CHST9: variants seen among roughly 807,000 people sequenced by gnomAD.
CHST9 encodes carbohydrate sulfotransferase 9, also known as GalNAc-4-sulfotransferase 2.
A neutral mutation model predicts 44.4 loss-of-function variants in CHST9; 41 were observed. That is an observed-to-expected ratio of 0.92 (90% CI 0.72 to 1.20). The LOEUF (loss-of-function observed/expected upper bound fraction) is 1.20, where lower values mean the gene tolerates loss of function less well. CHST9 is among the 50% of genes most tolerant of loss of function. The probability of loss-of-function intolerance (pLI) is 0.00; values close to 1 mark genes in which losing one functional copy is unlikely to be tolerated. For missense variants in CHST9, 504 were observed against 516.5 expected (o/e 0.98, Z 0.23); for synonymous variants, 171 against 178.4 (o/e 0.96, Z 0.33).
chr18:26,954,787 T>C (rs1015837299), intron 4 of CHST9, among the ~76,000 whole-genome samples: 1 of 152,180 alleles, frequency 6.6e-6, no homozygotes, highest in African/African-American at 2.4e-5. Flanking sequence ...ATTATTTTAT[T>C]TGCAGGTCTG....
At chr18:27,160,622 C>A (rs999571765) in intron 1 of CHST9, among the ~76,000 whole-genome samples, 3 of 152,160 alleles carry the variant, frequency 2.0e-5, no homozygotes, top group Admixed American at 6.5e-5. Context: ...ATGCTGGCCA[C>A]ATAAAATGAG....
At chr18:26,943,094 G>A (rs779273047) in intron 5 of CHST9, among the ~76,000 whole-genome samples, 11 of 151,960 alleles carry the variant, frequency 7.2e-5, no homozygotes, top group Admixed American at 3.9e-4. Flanking sequence ...GTGACAGAGC[G>A]AGACTCCGTC....
At chr18:27,165,202 A>C (rs995769272) in intron 1 of CHST9, among the ~76,000 whole-genome samples, 1 of 152,222 alleles carries the variant, frequency 6.6e-6, no homozygotes, top group Non-Finnish European at 1.5e-5. Flanking sequence ...CAGAATATTT[A>C]GACAATGATG....
At chr18:27,043,201 C>T (rs1271013516) in intron 3 of CHST9, among the ~76,000 whole-genome samples, 1 of 151,958 alleles carries the variant, frequency 6.6e-6, no homozygotes, top group Admixed American at 6.6e-5. Context: ...TTCAGCCTTG[C>T]CTTGTCTCTT....
At chr18:26,924,716 G>T in intron 5 of CHST9, 1 of 184,408 alleles carries the variant, frequency 5.4e-6, no homozygotes, top group South Asian at 1.8e-4. Flanking sequence ...GTCTCTCCTG[G>T]GTCCCTCTGT....
intron 1 of CHST9, among the ~76,000 whole-genome samples, chr18:27,179,358 C>T (rs1425074756): frequency 6.6e-6 from 1 of 151,920 alleles, no homozygotes; most frequent in Non-Finnish European, 1.5e-5. Flanking sequence ...CCATTAGAGC[C>T]AGTGTATCAG....
chr18:27,007,762 G>C (rs1054165823), intron 4 of CHST9, among the ~76,000 whole-genome samples: 1 of 152,120 alleles, frequency 6.6e-6, no homozygotes, highest in Non-Finnish European at 1.5e-5. Context: ...TCAACCATTC[G>C]CAAGTGCAAA....
intron 4 of CHST9, among the ~76,000 whole-genome samples, chr18:26,955,989 C>G (rs1352273563): frequency 6.6e-6 from 1 of 151,900 alleles, no homozygotes; most frequent in Admixed American, 6.6e-5. Context: ...AGTAAAATTC[C>G]AATAAATTAA....
At chr18:27,150,983 T>C (rs1369320168) in intron 1 of CHST9, among the ~76,000 whole-genome samples, 1 of 152,162 alleles carries the variant, frequency 6.6e-6, no homozygotes, top group Non-Finnish European at 1.5e-5. Context: ...GAAATTAAAC[T>C]GTGGTATGTA....
In CHST9 at chr18:26,921,925, T is replaced by C. The variant is rs28458305; in HGVS notation, c.241-4575A>G. On this transcript the variant is annotated intron_variant, in intron 5 of 5. Transcript: ENST00000618847. ...AACAATGGGAAAGTAAATTGGCTAT[T>C]TTACATCTCATAATACTTCTTTTTT... Among the ~76,000 whole-genome samples, 409 of 152,336 alleles carry C rather than the reference T, an allele frequency of 2.7e-3. 1 individual carries two copies. Among genetic ancestry groups the C allele is most frequent in the African/African-American group, 9.4e-3 (392 of 41,574 alleles).
In CHST9 at chr18:27,160,569, CTCT is replaced by C. The variant is rs2058737916; in HGVS notation, c.-96-17667_-96-17665del. ...TCATCAGGGGTATTGGTCCAAAATT[CTCT>C]TTTTTTGTTGTGTCTCTGCCAGGCT... On this transcript the variant is annotated intron_variant, in intron 1 of 5. Transcript: ENST00000618847. Among the ~76,000 whole-genome samples, 4 of 152,228 alleles carry C rather than the reference CTCT, an allele frequency of 2.6e-5. No individual in the cohort carries two copies. The South Asian group carries it at 8.3e-4, about 32-fold the overall frequency.
chr18:27,019,795 T>C (rs1484553774), intron 4 of CHST9, among the ~76,000 whole-genome samples: 4 of 152,040 alleles, frequency 2.6e-5, no homozygotes, highest in South Asian at 4.1e-4. Flanking sequence ...AGTCTTGTGT[T>C]CTAAGTGGGA....
intron 2 of CHST9, among the ~76,000 whole-genome samples, chr18:27,084,385 G>A (rs1013413843): frequency 2.7e-5 from 4 of 149,768 alleles, no homozygotes; most frequent in Non-Finnish European, 4.4e-5. Flanking sequence ...GAGTTTGTAT[G>A]TTTCTAGGAA....
chr18:27,030,762 A>G (rs1335031388), intron 3 of CHST9, among the ~76,000 whole-genome samples: 1 of 152,198 alleles, frequency 6.6e-6, no homozygotes, highest in Non-Finnish European at 1.5e-5. Context: ...CTAAAGTGAG[A>G]ATAGCACTGA....
At chr18:26,922,518 G>A (rs1188474561) in intron 5 of CHST9, among the ~76,000 whole-genome samples, 2 of 152,068 alleles carry the variant, frequency 1.3e-5, no homozygotes, top group Admixed American at 6.5e-5. Context: ...AGAGTTAGCT[G>A]AAAGACATGT....
intron 4 of CHST9, among the ~76,000 whole-genome samples, chr18:26,970,264 T>A (rs60167332): frequency 0.11 from 16,195 of 152,204 alleles, 1,787 homozygotes; most frequent in African/African-American, 0.28. Context: ...TAGAATGACA[T>A]TAGACTGCTT....
intron 3 of CHST9, 99 bp from the exon 4 acceptor site, chr18:27,024,256 A>C: frequency 2.2e-6 from 2 of 902,126 alleles, no homozygotes; most frequent in Non-Finnish European, 3.4e-6. Context: ...CTCATATTTT[A>C]TTTGTAACAA....
chr18:27,088,351 A>C (rs2058033003), intron 2 of CHST9, among the ~76,000 whole-genome samples: 1 of 151,050 alleles, frequency 6.6e-6, no homozygotes, highest in Admixed American at 6.6e-5. Context: ...TAATATACTT[A>C]GTTACAAGCA....
chr18:27,037,304 A>G (rs763739239), intron 3 of CHST9, among the ~76,000 whole-genome samples: 3 of 152,152 alleles, frequency 2.0e-5, no homozygotes, highest in Non-Finnish European at 4.4e-5. Context: ...AATGAATTTG[A>G]TAATTTACTA....
Sources: allele counts gnomAD v4.1 joint callset (sites outside exome capture counted in the v4.1 genomes callset), GRCh38; gene constraint gnomAD v4.1.1; transcripts MANE v1.5; gene names NCBI Gene and HGNC (gene_info 2026-07-23, HGNC 2026-07-21).